The following GALNT17 variants were observed in gnomAD, a reference collection of about 807,000 sequenced individuals.
GALNT17 encodes the protein UDP-GalNAc:polypeptide N-acetylgalactosaminyltransferase-like 3.
In GALNT17, 29 loss-of-function variants were observed where a neutral mutation model predicts 63.7. The observed-to-expected ratio is 0.46, with a 90% CI of 0.34 to 0.62. The LOEUF (loss-of-function observed/expected upper bound fraction) is 0.62, where lower values mean the gene tolerates loss of function less well. GALNT17 is among the 20% of genes least tolerant of loss of function. GALNT17 has a pLI of 0.01. For synonymous variants in GALNT17, 305 were observed against 318.3 expected, an observed-to-expected ratio of 0.96 and a Z score of 0.45; for missense variants, 603 against 799.6, an observed-to-expected ratio of 0.75 and a Z score of 2.97.
In GALNT17 at chr7:71,505,021, C is replaced by T. The variant is rs557463285; in HGVS notation, c.963-66264C>T. Among the ~76,000 whole-genome samples, 4 of 152,314 alleles carry T rather than the reference C, an allele frequency of 2.6e-5. No homozygotes were observed. In the East Asian group the frequency reaches 7.7e-4, roughly 29 times the overall value. On this transcript the variant is annotated intron_variant, in intron 5 of 10. Transcript: ENST00000333538. ...AGGGCAAGTTGGATCACACCCCACA[C>T]GCTGTTGTGTGCATACACTGCATCA... is the stretch of plus-strand genomic sequence containing the variant.
At chr7:71,504,550 TTTAA>T (rs72436578) in intron 5 of GALNT17, among the ~76,000 whole-genome samples, 3,189 of 152,242 alleles carry the variant, frequency 0.021, 41 homozygotes, top group African/African-American at 0.026. Flanking sequence ...ACTTGCATAT[TTTAA>T]TTAGTTTACT....
At chr7:71,373,113 A>AGGT (rs1479929067) in intron 2 of GALNT17, among the ~76,000 whole-genome samples, 3 of 152,304 alleles carry the variant, frequency 2.0e-5, no homozygotes, top group South Asian at 4.1e-4. Flanking sequence ...ACTCAGTGAA[A>AGGT]GGTCAGCGCT....
At chr7:71,238,978 G>A (rs530345957) in intron 1 of GALNT17, among the ~76,000 whole-genome samples, 3 of 152,256 alleles carry the variant, frequency 2.0e-5, no homozygotes, top group African/African-American at 7.2e-5. Context: ...ACATGGCAAG[G>A]GCTTGAGGCC....
At chr7:71,277,023 T>G (rs1055820896) in intron 1 of GALNT17, among the ~76,000 whole-genome samples, 96 of 152,014 alleles carry the variant, frequency 6.3e-4, no homozygotes, top group African/African-American at 1.8e-3. Flanking sequence ...AATAAAGAAA[T>G]AAATTATCCA....
At chr7:71,426,376 G>C (rs547074950) in intron 5 of GALNT17, among the ~76,000 whole-genome samples, 97 of 152,336 alleles carry the variant, frequency 6.4e-4, no homozygotes, top group Admixed American at 1.5e-3. Context: ...TCTTGCCTCT[G>C]TGTAGAGAAG....
intron 6 of GALNT17, among the ~76,000 whole-genome samples, chr7:71,577,915 C>T (rs13221738): frequency 0.41 from 62,394 of 151,846 alleles, 15,428 homozygotes; most frequent in East Asian, 0.74. Context: ...GGGGGTGGTT[C>T]GCAGACTCAG....
At position 71,255,359 on chromosome 7, in the gene GALNT17, G is replaced by C. The variant is rs568965550; in HGVS notation, c.239-80191G>C. The stretch of plus-strand genomic sequence containing the variant: ...TCTCTCTTTTCTTGTCTGCCACCAT[G>C]TGTGAGATGTACCTTTCACCTTCCA... On this transcript the variant is annotated intron_variant, in intron 1 of 10. Coordinates refer to ENST00000333538, the MANE Select transcript of GALNT17 (RefSeq NM_022479.3). 3.9e-5 allele frequency among the ~76,000 whole-genome samples: 6 copies of C among 152,358 alleles called. No homozygotes were observed. The South Asian group carries it at 1.2e-3, about 32-fold the overall frequency.
chr7:71,592,121 T>C (rs1789811581), intron 6 of GALNT17, among the ~76,000 whole-genome samples: 1 of 151,438 alleles, frequency 6.6e-6, no homozygotes, highest in Non-Finnish European at 1.5e-5. Context: ...GTGGGAAGAG[T>C]CTGAATTATC....
At chr7:71,326,489 A>G (rs998513680) in intron 1 of GALNT17, among the ~76,000 whole-genome samples, 2 of 151,972 alleles carry the variant, frequency 1.3e-5, no homozygotes, top group Non-Finnish European at 2.9e-5. Context: ...AGAGAGAGAG[A>G]GAGGATCTCC....
At chr7:71,394,973 G>T (rs993117416) in intron 3 of GALNT17, among the ~76,000 whole-genome samples, 2 of 151,962 alleles carry the variant, frequency 1.3e-5, no homozygotes, top group African/African-American at 4.8e-5. Context: ...GTGGTGGCAC[G>T]TGCCTGTAGT....
chr7:71,199,624 C>A (rs1317557531), intron 1 of GALNT17, among the ~76,000 whole-genome samples: 3 of 148,726 alleles, frequency 2.0e-5, no homozygotes, highest in Admixed American at 6.7e-5. Context: ...ACCCGCCCAC[C>A]CACTCACCCC....
intron 6 of GALNT17, among the ~76,000 whole-genome samples, chr7:71,606,513 C>G (rs971050718): frequency 3.9e-5 from 6 of 152,192 alleles, no homozygotes; most frequent in African/African-American, 1.4e-4. Context: ...CTGCTCTTCT[C>G]TTGTGGCAGC....
At chr7:71,143,407 C>A (rs1377649040) in intron 1 of GALNT17, among the ~76,000 whole-genome samples, 172 of 116,844 alleles carry the variant, frequency 1.5e-3, no homozygotes, top group Admixed American at 2.3e-3. Context: ...GAGACTGTCT[C>A]AAAAAAAAAA....
chr7:71,327,216 C>T (rs1391438134), intron 1 of GALNT17, among the ~76,000 whole-genome samples: 3 of 152,104 alleles, frequency 2.0e-5, no homozygotes, highest in African/African-American at 7.2e-5. Flanking sequence ...CCTTTTCACG[C>T]TGCTGATAAA....
chr7:71,687,506 G>A (rs1340610545), intron 9 of GALNT17, among the ~76,000 whole-genome samples: 1 of 152,132 alleles, frequency 6.6e-6, no homozygotes, highest in Admixed American at 6.6e-5. Context: ...CGCAGCCTTT[G>A]AGAACACATT....
chr7:71,171,085 C>T (rs779692031), intron 1 of GALNT17, among the ~76,000 whole-genome samples: 1 of 152,162 alleles, frequency 6.6e-6, no homozygotes, highest in African/African-American at 2.4e-5. Context: ...AGCCGTATAT[C>T]TCTGAATAAT....
At chr7:71,617,771 T>C (rs1309481049) in intron 6 of GALNT17, among the ~76,000 whole-genome samples, 2 of 152,212 alleles carry the variant, frequency 1.3e-5, no homozygotes, top group South Asian at 4.2e-4. Context: ...GCCTCCCGAA[T>C]AGGTGGGACT....
intron 9 of GALNT17, among the ~76,000 whole-genome samples, chr7:71,702,075 G>A (rs1399015058): frequency 1.3e-5 from 2 of 151,556 alleles, no homozygotes; most frequent in African/African-American, 4.9e-5. Flanking sequence ...ACTTATAAGT[G>A]GGAGCTAAAC....
chr7:71,406,350 G>A lies in GALNT17; in HGVS notation c.590-9539G>A, dbSNP rs182700751. Among the ~76,000 whole-genome samples the A allele has an allele frequency of 2.5e-4, 38 of 152,244 alleles. 4 individuals are homozygous for A. The East Asian group carries it at 2.9e-3, about 12-fold the overall frequency. On this transcript the variant is annotated intron_variant, in intron 3 of 10. Coordinates refer to ENST00000333538, the MANE Select transcript of GALNT17 (RefSeq NM_022479.3). ...CCCCTTACTTGCACGGGTGCCCTTC[G>A]AGGTCATCTGATGGCCCCTTGTTGT...
Sources: gnomAD v4.1 joint callset for allele counts (sites outside exome capture counted in the v4.1 genomes callset) on GRCh38, gnomAD v4.1.1 for gene constraint, MANE v1.5 for transcripts, NCBI Gene and HGNC (gene_info 2026-07-23, HGNC 2026-07-21) for gene names.